Variants in BBS1 observed in about 807,000 individuals in gnomAD.
BBS1 encodes Bardet-Biedl syndrome 1, also known as BBSome complex member BBS1.
Under a neutral mutation model 73.9 loss-of-function variants are expected in BBS1, and 60 were observed. That is an observed-to-expected ratio of 0.81 (90% CI 0.66 to 1.01). The LOEUF (loss-of-function observed/expected upper bound fraction) is 1.01, where lower values mean the gene tolerates loss of function less well. BBS1 is among the 50% of genes least tolerant of loss of function. The pLI is 0.00. For missense variants in BBS1, 718 were observed against 770.3 expected (o/e 0.93, Z 0.80); for synonymous variants, 283 against 317.4 (o/e 0.89, Z 1.15).
At position 66,510,641 on chromosome 11, in the gene BBS1, C is replaced by A. The variant is rs890204993; in HGVS notation, c.-19C>A. The A allele has an allele frequency of 6.2e-7, 1 of 1,613,970 alleles. No individual in the cohort carries two copies. Among genetic ancestry groups the A allele is most frequent in the African/African-American group, 1.3e-5 (1 of 74,952 alleles). ...GTTACGCGAGGGCGGGGCCGGTTGC[C>A]AGGACGACGCCTGCGAAGATGGCCG... On this transcript the variant is annotated 5_prime_UTR_variant, in exon 1 of 17. Coordinates refer to ENST00000318312, the MANE Select transcript of BBS1 (RefSeq NM_024649.5).
chr11:66,530,054 C>T lies in BBS1; in HGVS notation c.1473+102C>T, dbSNP rs1328674984. On this transcript the variant is annotated intron_variant, in intron 14 of 16. Coordinates refer to ENST00000318312, the MANE Select transcript of BBS1 (RefSeq NM_024649.5). The stretch of plus-strand genomic sequence containing the variant: ...GCTAAGCCCCAGAGCCAATTCCAAG[C>T]CAACTCAGCCCGTGCTCCCCATCAC... 5 of 1,491,510 alleles carry T rather than the reference C, an allele frequency of 3.4e-6. No individual in the cohort carries two copies. In the East Asian group the frequency reaches 9.9e-5, roughly 29 times the overall value. The allele number at this position is 1,491,510 out of a possible 1,614,324, so 92.4% of individuals were successfully genotyped here. A position where few individuals can be genotyped will look rare whatever the true frequency, so the allele number is the denominator to read the frequency against.
rs1330124038 is a variant in BBS1, at chr11:66,529,560, G to A, written c.1340-259G>A. On this transcript the variant is annotated intron_variant, in intron 13 of 16. Coordinates refer to ENST00000318312, the MANE Select transcript of BBS1 (RefSeq NM_024649.5). ...CAGGAGAACACCAGCCTCTAGGGCCGGACAGAGAAGCCAGTGAAGGAGCTA... is the reference window on the plus strand; with the variant it reads ...CAGGAGAACACCAGCCTCTAGGGCCAGACAGAGAAGCCAGTGAAGGAGCTA... 6 of 698,444 alleles carry A rather than the reference G, an allele frequency of 8.6e-6. No individual in the cohort carries two copies. The Admixed American group carries it at 1.0e-4, about 12-fold the overall frequency. 43.3% of individuals were successfully genotyped at this position (698,444 alleles called of 1,614,324 possible).
At position 66,511,555 on chromosome 11, in the gene BBS1, G is replaced by A. The variant is rs183088220; in HGVS notation, c.159+316G>A. Among the ~76,000 whole-genome samples, 1,356 of 152,156 alleles carry A rather than the reference G, an allele frequency of 8.9e-3. 12 individuals are homozygous for A. Among genetic ancestry groups the A allele is most frequent in the Non-Finnish European group, 0.013 (883 of 67,994 alleles). ...GTGGGCACTAGAATCTGGAGGGAAA[G>A]TAAAAAGGAGGGAAGTGAACGTTTG... On this transcript the variant is annotated intron_variant, in intron 3 of 16. Coordinates refer to ENST00000318312, the MANE Select transcript of BBS1 (RefSeq NM_024649.5).
chr11:66,527,341 C>A (rs1159208430), intron 13 of BBS1, among the ~76,000 whole-genome samples: 1 of 152,050 alleles, frequency 6.6e-6, no homozygotes, highest in African/African-American at 2.4e-5. Context: ...CCTATGATTA[C>A]ACCAGGCCTT....
intron 8 of BBS1, 42 bp from the exon 9 acceptor site, chr11:66,521,228 G>C: frequency 6.7e-7 from 1 of 1,497,942 alleles, no homozygotes; most frequent in Non-Finnish European, 9.3e-7. Flanking sequence ...GGAGGGACGG[G>C]GGCTCCAGAG....
Position 66,531,696 on chromosome 11 carries a change from C to G in BBS1, c.1649C>G (p.Thr550Ser), listed in dbSNP as rs775132054. The change falls in exon 16 of 17, where the codon ACC becomes AGC. Residue 550 changes from threonine (T) to serine (S), a missense_variant. By Grantham distance (58) the Thr-to-Ser change is moderately conservative. Transcript: ENST00000318312. Reference protein sequence around the residue: ...LVPGLNYPLETFVESLSNKGI... With the variant: ...LVPGLNYPLESFVESLSNKGI... ...CCAGGGCTCAACTACCCCCTGGAGA[C>G]CTTTGTGGAGAGTCTCAGTAACAAG... 2.5e-6 allele frequency: 4 copies of G among 1,614,084 alleles called. No homozygotes were observed. The South Asian group carries it at 4.4e-5, about 18-fold the overall frequency.
At chr11:66,522,336 CT>C (rs748766824) in intron 9 of BBS1, among the ~76,000 whole-genome samples, 8,130 of 142,728 alleles carry the variant, frequency 0.057, 207 homozygotes, top group Middle Eastern at 0.11. Flanking sequence ...ATATAAAATG[CT>C]TTTTTTTTTT....
intron 2 of BBS1, 35 bp downstream of exon 2, chr11:66,511,124 T>C (rs777478641): frequency 6.2e-7 from 1 of 1,613,666 alleles, no homozygotes; most frequent in South Asian, 1.1e-5. Flanking sequence ...TGGGTTCTAG[T>C]GGGATGGGGA....
chr11:66,518,492 G>T (rs1484347138), intron 7 of BBS1, among the ~76,000 whole-genome samples: 2 of 149,148 alleles, frequency 1.3e-5, no homozygotes, highest in African/African-American at 4.9e-5. Flanking sequence ...TTGAGATGGA[G>T]TCTTGCTCTG....
At position 66,514,406 on chromosome 11, in the gene BBS1, C is replaced by G; in HGVS notation, c.160C>G (p.Leu54Val). Residue 54 changes from leucine to valine, a missense_variant and splice_region_variant, in exon 4 of 17, where the codon CTG becomes GTG. Physicochemically the swap from Leu to Val is conservative, Grantham distance 32. Coordinates refer to ENST00000318312, the MANE Select transcript of BBS1 (RefSeq NM_024649.5). ...AGAATGAGCCATCCTCTCCCTGCAG[C>G]TGGTGGTAGGGGACCTTGGCCCTGG... ...ADLHGDGEYKLVVGDLGPGGQ... is the reference protein window; with the variant it reads ...ADLHGDGEYKVVVGDLGPGGQ... 1 of 1,614,096 alleles carries G rather than the reference C, an allele frequency of 6.2e-7. No homozygotes were observed. Among genetic ancestry groups the G allele is most frequent in the Non-Finnish European group, 8.5e-7 (1 of 1,180,032 alleles).
Position 66,515,853 on chromosome 11 carries a change from G to A in BBS1, c.519-8G>A. The A allele has an allele frequency of 6.2e-7, 1 of 1,614,220 alleles. No homozygotes were observed. The highest frequency in any genetic ancestry group is 8.5e-7 in the Non-Finnish European group (1 of 1,180,042). On this transcript the variant is annotated splice_polypyrimidine_tract_variant and splice_region_variant and intron_variant, in intron 6 of 16. Transcript: ENST00000318312. Reference sequence around the variant, plus strand: ...GGGCCTGCAGATGCCAGTTCTCTGTGTGTCTAGGTTTCTGCAGCTGGAGCT... The same window carrying A: ...GGGCCTGCAGATGCCAGTTCTCTGTATGTCTAGGTTTCTGCAGCTGGAGCT...
chr11:66,516,951 G>A (rs1856062140), intron 7 of BBS1, among the ~76,000 whole-genome samples: 1 of 152,106 alleles, frequency 6.6e-6, no homozygotes, highest in Non-Finnish European at 1.5e-5. Flanking sequence ...TGTAATCCCA[G>A]CATTTTGGGA....
At chr11:66,531,554 G>T (rs1008735805) in intron 15 of BBS1, 102 bp from the exon 16 acceptor site, 3 of 1,482,170 alleles carry the variant, frequency 2.0e-6, no homozygotes. Context: ...CCACCCTGCA[G>T]GGGTGCTGAG....
At chr11:66,515,182 T>C (rs1399013001) in intron 4 of BBS1, among the ~76,000 whole-genome samples, 1 of 152,124 alleles carries the variant, frequency 6.6e-6, no homozygotes, top group African/African-American at 2.4e-5. Flanking sequence ...AGAGAGGCAC[T>C]GAGCCAGTTC....
chr11:66,526,877 G>A, intron 13 of BBS1, 70 bp downstream of exon 13: 1 of 1,612,884 alleles, frequency 6.2e-7, no homozygotes, highest in South Asian at 1.1e-5. Context: ...CTGGGGGAAT[G>A]CTGCCCAGCC....
rs1422223432 is a variant in BBS1, at chr11:66,511,950, A to C, written c.159+711A>C. Among the ~76,000 whole-genome samples, 4 of 150,470 alleles carry C rather than the reference A, an allele frequency of 2.7e-5. No individual in the cohort carries two copies. In the Admixed American group the frequency reaches 2.7e-4, roughly 10 times the overall value. On this transcript the variant is annotated intron_variant, in intron 3 of 16. Coordinates refer to ENST00000318312, the MANE Select transcript of BBS1 (RefSeq NM_024649.5). ...GGAGGCGGAGGTTGAGTGAGCTGAG[A>C]CCATGCCACTACACTCCAGCCTGGA...
rs201077577 is a variant in BBS1 at position 66,515,653 on chromosome 11, T to C, written c.480-40T>C. Reference sequence around the variant, plus strand: ...ATCCCATCTGAGCCCCAGGGCCCCATTCTTCCATTCGGCTGCCATGCTGGC... The same window carrying C: ...ATCCCATCTGAGCCCCAGGGCCCCACTCTTCCATTCGGCTGCCATGCTGGC... On this transcript the variant is annotated intron_variant, in intron 5 of 16. Transcript: ENST00000318312. The C allele has an allele frequency of 1.1e-4, 170 of 1,614,154 alleles. 1 individual carries two copies. The Admixed American group carries it at 2.7e-3, about 25-fold the overall frequency.
Position 66,510,648 on chromosome 11 carries a change from A to C in BBS1, c.-12A>C, listed in dbSNP as rs1353267392. On this transcript the variant is annotated 5_prime_UTR_variant, in exon 1 of 17. Coordinates refer to ENST00000318312, the MANE Select transcript of BBS1 (RefSeq NM_024649.5). ...GAGGGCGGGGCCGGTTGCCAGGACG[A>C]CGCCTGCGAAGATGGCCGCTGCGTC... 1.2e-6 allele frequency: 2 copies of C among 1,614,122 alleles called. No individual in the cohort carries two copies. Among genetic ancestry groups the C allele is most frequent in the Admixed American group, 3.3e-5 (2 of 60,034 alleles).
intron 3 of BBS1, among the ~76,000 whole-genome samples, chr11:66,513,393 A>G (rs1855989352): frequency 6.6e-6 from 1 of 152,188 alleles, no homozygotes; most frequent in South Asian, 2.1e-4. Context: ...AATAGTAGTT[A>G]AGACTATGGC....
Sources: gnomAD v4.1 joint callset for allele counts (sites outside exome capture counted in the v4.1 genomes callset) on GRCh38, gnomAD v4.1.1 for gene constraint, MANE v1.5 for transcripts, NCBI Gene and HGNC (gene_info 2026-07-23, HGNC 2026-07-21) for gene names.